FXN: variants seen among roughly 807,000 people sequenced by gnomAD.
FXN encodes frataxin, mitochondrial.
Under a neutral mutation model 22.4 loss-of-function variants are expected in FXN, and 14 were observed. The ratio of observed to expected loss-of-function variants is 0.62; its 90% CI spans 0.41 to 0.98. The LOEUF (loss-of-function observed/expected upper bound fraction) is 0.98, where lower values mean the gene tolerates loss of function less well. Among genes scored for constraint, FXN ranks in the 50% least tolerant of loss-of-function variants. The probability of loss-of-function intolerance (pLI) is 0.00; values close to 1 mark genes in which losing one functional copy is unlikely to be tolerated. For synonymous variants in FXN, 120 were observed against 114.1 expected, an observed-to-expected ratio of 1.05 and a Z score of -0.33; for missense variants, 267 against 268.4, an observed-to-expected ratio of 0.99 and a Z score of 0.04.
rs1832334687 is a variant in FXN, at chr9:69,074,601, C to T, written c.*1839C>T. ...GGCTTTTCCAATGGGTGAATAAAAA[C>T]ACATTCCATTAAGTCAAGCTGGGAG... On this transcript the variant is annotated 3_prime_UTR_variant, in exon 5 of 5. Transcript: ENST00000484259. 15 of 984,198 alleles carry T rather than the reference C, an allele frequency of 1.5e-5. No homozygotes were observed. Among genetic ancestry groups the T allele is most frequent in the Non-Finnish European group, 1.8e-5 (15 of 829,602 alleles). The allele number at this position is 984,198 out of a possible 1,614,324, so 61.0% of individuals were successfully genotyped here. A position where few individuals can be genotyped will look rare whatever the true frequency, so the allele number is the denominator to read the frequency against.
intron 2 of FXN, among the ~76,000 whole-genome samples, chr9:69,047,350 G>GACACACACAC (rs148756619): frequency 8.0e-4 from 116 of 144,176 alleles, no homozygotes; most frequent in African/African-American, 2.7e-3. Flanking sequence ...CACACACACA[G>GACACACACAC]ACACACACAC....
At chr9:69,056,773 T>TATCCA (rs1348026293) in intron 3 of FXN, among the ~76,000 whole-genome samples, 3 of 150,874 alleles carry the variant, frequency 2.0e-5, no homozygotes, top group Admixed American at 6.6e-5. Flanking sequence ...GATGGAGTCT[T>TATCCA]GCTCTGTTGC....
intron 3 of FXN, among the ~76,000 whole-genome samples, chr9:69,053,731 A>G (rs1831903266): frequency 1.3e-5 from 2 of 152,160 alleles, no homozygotes; most frequent in South Asian, 2.1e-4. Context: ...GGAGGGAACA[A>G]CAAACTAGAC....
chr9:69,042,231 C>G (rs1437819885), intron 1 of FXN, among the ~76,000 whole-genome samples: 1 of 136,616 alleles, frequency 7.3e-6, no homozygotes, highest in Admixed American at 7.8e-5. Flanking sequence ...GAGCAAGACT[C>G]CGTCTCAGAA....
chr9:69,072,556 T>C, intron 4 of FXN, 56 bp from the exon 5 acceptor site: 3 of 1,612,260 alleles, frequency 1.9e-6, no homozygotes, highest in Non-Finnish European at 1.7e-6. Flanking sequence ...GTGGAATCAG[T>C]GGTTCATCTG....
Position 69,074,079 on chromosome 9 carries a change from G to A in FXN, c.*1317G>A. ...AGGTGCCTGTAATCCCAGCTACTTGGGAGGCTGAAGCGGAAGAATCGCTTG... is the reference window on the plus strand; with the variant it reads ...AGGTGCCTGTAATCCCAGCTACTTGAGAGGCTGAAGCGGAAGAATCGCTTG... On this transcript the variant is annotated 3_prime_UTR_variant, in exon 5 of 5. Transcript: ENST00000484259. The A allele has an allele frequency of 3.0e-6, 1 of 336,882 alleles. No homozygotes were observed. The highest frequency in any genetic ancestry group is 1.7e-4 in the East Asian group (1 of 5,892). The allele number at this position is 336,882 out of a possible 1,614,324, so 20.9% of individuals were successfully genotyped here.
In FXN at chr9:69,072,706, G is replaced by C. The variant is rs762731436; in HGVS notation, c.577G>C (p.Ala193Pro). The change falls in exon 5 of 5, where the codon GCC becomes CCC. Residue 193 changes from alanine to proline, a missense_variant. Ala to Pro is a conservative substitution (Grantham distance 27). Coordinates refer to ENST00000484259, the MANE Select transcript of FXN (RefSeq NM_000144.5). ...HELLAAELTK[A>P]LKTKLDLSSL... ...GCTGCTGGCCGCAGAGCTCACTAAA[G>C]CCTTAAAAACCAAACTGGACTTGTC... is the stretch of plus-strand genomic sequence containing the variant. 6.2e-7 allele frequency: 1 copy of C among 1,614,172 alleles called. No homozygotes were observed. Among genetic ancestry groups the C allele is most frequent in the South Asian group, 1.1e-5 (1 of 91,080 alleles).
Position 69,074,251 on chromosome 9 carries a change from A to G in FXN, c.*1489A>G. On this transcript the variant is annotated 3_prime_UTR_variant, in exon 5 of 5. Transcript: ENST00000484259. Reference sequence around the variant, plus strand: ...ATTGTACCCTTACTGGGTTAATCGTATTATACCACATTACCTCATTTTAAT... The same window carrying G: ...ATTGTACCCTTACTGGGTTAATCGTGTTATACCACATTACCTCATTTTAAT... 1.0e-6 allele frequency: 1 copy of G among 980,248 alleles called. No individual in the cohort carries two copies. The highest frequency in any genetic ancestry group is 1.2e-6 in the Non-Finnish European group (1 of 825,220). The allele number at this position is 980,248 out of a possible 1,614,324, so 60.7% of individuals were successfully genotyped here.
intron 3 of FXN, 111 bp from the exon 4 acceptor site, chr9:69,064,827 T>C (rs1274610248): frequency 1.4e-6 from 1 of 720,614 alleles, no homozygotes; most frequent in African/African-American, 1.7e-5. Flanking sequence ...GTGTATTTTG[T>C]GTACTTGTAG....
intron 2 of FXN, among the ~76,000 whole-genome samples, chr9:69,050,060 A>T (rs1357697678): frequency 6.6e-6 from 1 of 152,128 alleles, no homozygotes; most frequent in Non-Finnish European, 1.5e-5. Flanking sequence ...CTAGTCATTA[A>T]CCCTTCAGAG....
In FXN at chr9:69,076,064, A is replaced by G; in HGVS notation, c.*3302A>G. 1.0e-6 allele frequency: 1 copy of G among 984,452 alleles called. No individual in the cohort carries two copies. The highest frequency in any genetic ancestry group is 1.2e-6 in the Non-Finnish European group (1 of 829,084). 61.0% of individuals were successfully genotyped at this position (984,452 alleles called of 1,614,324 possible). A position where few individuals can be genotyped will look rare whatever the true frequency, so the allele number is the denominator to read the frequency against. On this transcript the variant is annotated 3_prime_UTR_variant, in exon 5 of 5. Transcript: ENST00000484259. ...TGGGTAGAACCTCAGCCACATAGAA[A>G]ATAAAATGTTCTGGCATGACTTATT...
intron 3 of FXN, among the ~76,000 whole-genome samples, chr9:69,056,713 T>G (rs75076874): frequency 0.03 from 4,537 of 151,852 alleles, 238 homozygotes; most frequent in African/African-American, 0.1. Context: ...AATTAGGTGA[T>G]GAGTTGATAC....
Position 69,035,959 on chromosome 9 carries a change from C to A in FXN, c.165+12C>A. On this transcript the variant is annotated intron_variant, in intron 1 of 4. Coordinates refer to ENST00000484259, the MANE Select transcript of FXN (RefSeq NM_000144.5). ...CGCCCCGCCGCGCAGTAAGTATCCG[C>A]GCCGGGAACAGCCGCGGGCCGCACG... 6.9e-7 allele frequency: 1 copy of A among 1,457,700 alleles called. No homozygotes were observed. The highest frequency in any genetic ancestry group is 2.4e-5 in the Admixed American group (1 of 40,986). 90.3% of individuals were successfully genotyped at this position (1,457,700 alleles called of 1,614,324 possible).
chr9:69,074,742 A>AG lies in FXN; in HGVS notation c.*1981dup, dbSNP rs2133142707. 1.1e-6 allele frequency: 1 copy of AG among 873,806 alleles called. No individual in the cohort carries two copies. Among genetic ancestry groups the AG allele is most frequent in the South Asian group, 5.4e-5 (1 of 18,588 alleles). 54.1% of individuals were successfully genotyped at this position (873,806 alleles called of 1,614,324 possible). Reference sequence around the variant, plus strand: ...CAGCAAGATCCTATCTCTTAAAAAAAGAAAAAAAAACCTATTAATAATAAA... The same window carrying AG: ...CAGCAAGATCCTATCTCTTAAAAAAAGGAAAAAAAAACCTATTAATAATAAA... On this transcript the variant is annotated 3_prime_UTR_variant, in exon 5 of 5. Coordinates refer to ENST00000484259, the MANE Select transcript of FXN (RefSeq NM_000144.5).
intron 4 of FXN, among the ~76,000 whole-genome samples, chr9:69,072,188 T>C (rs1009540355): frequency 6.6e-6 from 1 of 152,220 alleles, no homozygotes; most frequent in African/African-American, 2.4e-5. Flanking sequence ...CACCAAATTA[T>C]TCATTTTTAA....
intron 3 of FXN, among the ~76,000 whole-genome samples, chr9:69,060,271 T>G (rs1474924786): frequency 6.6e-6 from 1 of 151,374 alleles, no homozygotes; most frequent in East Asian, 1.9e-4. Flanking sequence ...CTCGGGAAGC[T>G]GAGGCAGGAG....
chr9:69,068,000 TACAG>T (rs1357833689), intron 4 of FXN, among the ~76,000 whole-genome samples: 1 of 152,106 alleles, frequency 6.6e-6, no homozygotes, highest in Non-Finnish European at 1.5e-5. Context: ...CTACTGGAAA[TACAG>T]AGATGAAGAA....
rs558921907 is a variant in FXN, at chr9:69,050,227, A to G, written c.264-2913A>G. The stretch of plus-strand genomic sequence containing the variant: ...TTCATCCATGCTGTTCCTATAGACA[A>G]TTCTATTTTGCAGCGTAGTATTCCA... On this transcript the variant is annotated intron_variant, in intron 2 of 4. Coordinates refer to ENST00000484259, the MANE Select transcript of FXN (RefSeq NM_000144.5). Among the ~76,000 whole-genome samples, 14 of 152,334 alleles carry G rather than the reference A, an allele frequency of 9.2e-5. No individual in the cohort carries two copies. The South Asian group carries it at 2.7e-3, about 29-fold the overall frequency.
At position 69,078,746 on chromosome 9, in the gene FXN, T is replaced by G. The variant is rs572968489; in HGVS notation, c.*5984T>G. 2.9e-4 allele frequency: 287 copies of G among 985,606 alleles called. 1 individual carries two copies. In the African/African-American group the frequency reaches 4.4e-3, roughly 15 times the overall value. The allele number at this position is 985,606 out of a possible 1,614,324, so 61.1% of individuals were successfully genotyped here. ...TCCATTTTGGTCTTTATTCCCCACA[T>G]CTCTGCCTGGGGGGTAGATTCTACC... is the stretch of plus-strand genomic sequence containing the variant. On this transcript the variant is annotated 3_prime_UTR_variant, in exon 5 of 5. Transcript: ENST00000484259.
Sources: gnomAD v4.1 joint callset for allele counts (sites outside exome capture counted in the v4.1 genomes callset) on GRCh38, gnomAD v4.1.1 for gene constraint, MANE v1.5 for transcripts, NCBI Gene and HGNC (gene_info 2026-07-23, HGNC 2026-07-21) for gene names.